Variants in CSNK1G2 observed in about 807,000 individuals in gnomAD.
CSNK1G2 encodes the protein casein kinase I isoform gamma-2.
In CSNK1G2, 11 loss-of-function variants were observed where a neutral mutation model predicts 48.0. The ratio of observed to expected loss-of-function variants is 0.23; its 90% confidence interval spans 0.14 to 0.38. The LOEUF is 0.38. Ranked by LOEUF, CSNK1G2 falls within the 10% of genes least tolerant of loss-of-function variation. CSNK1G2 has a pLI of 1.00. For synonymous variants in CSNK1G2, 337 were observed against 254.1 expected, an observed-to-expected ratio of 1.33 and a Z score of -3.10; for missense variants, 446 against 595.5, an observed-to-expected ratio of 0.75 and a Z score of 2.61.
intron 1 of CSNK1G2, among the ~76,000 whole-genome samples, chr19:1,944,452 G>C (rs1480375465): frequency 6.6e-6 from 1 of 152,178 alleles, no homozygotes; most frequent in Non-Finnish European, 1.5e-5. Context: ...GGCCTGCTTG[G>C]GTAGAGGAGA....
Position 1,980,311 on chromosome 19 carries a change from C to A in CSNK1G2, c.*108C>A, listed in dbSNP as rs1311768037. ...ACAGCGGCCCAGGGCCAGACCCTGG[C>A]TGGAAGCCAGAACGCAGACTGCAGG... On this transcript the variant is annotated 3_prime_UTR_variant, in exon 12 of 12. Coordinates refer to ENST00000255641, the MANE Select transcript of CSNK1G2 (RefSeq NM_001319.7). 1 of 1,402,908 alleles carries A rather than the reference C, an allele frequency of 7.1e-7. No individual in the cohort carries two copies. 86.9% of individuals were successfully genotyped at this position (1,402,908 alleles called of 1,614,324 possible).
chr19:1,960,814 GGGAGGC>G (rs1334587203), intron 1 of CSNK1G2, among the ~76,000 whole-genome samples: 1 of 152,150 alleles, frequency 6.6e-6, no homozygotes, highest in East Asian at 1.9e-4. Flanking sequence ...ACTTGAACCC[GGGAGGC>G]GGAGGCTGCG....
intron 2 of CSNK1G2, among the ~76,000 whole-genome samples, chr19:1,972,953 A>T (rs1451496225): frequency 7.9e-6 from 1 of 126,706 alleles, no homozygotes; most frequent in African/African-American, 3.1e-5. Context: ...TTTGAGACAG[A>T]GTCTCGCTCT....
Position 1,957,099 on chromosome 19 carries a change from G to A in CSNK1G2, c.-265-12409G>A, listed in dbSNP as rs372821569. Among the ~76,000 whole-genome samples, 209 of 152,302 alleles carry A rather than the reference G, an allele frequency of 1.4e-3. 5 individuals are homozygous for A. In the South Asian group the frequency reaches 0.016, roughly 11 times the overall value. The stretch of plus-strand genomic sequence containing the variant: ...CGGTGCCACCCGGAGATTGGTGGGC[G>A]GGATTGGGCCTCTGGGGTCCCCGGC... On this transcript the variant is annotated intron_variant, in intron 1 of 11. Coordinates refer to ENST00000255641, the MANE Select transcript of CSNK1G2 (RefSeq NM_001319.7). The surrounding 1 kb of genome is among the most constrained non-coding windows in gnomAD (Gnocchi z 5.4).
intron 2 of CSNK1G2, among the ~76,000 whole-genome samples, chr19:1,974,321 C>T (rs554009374): frequency 7.2e-5 from 11 of 152,252 alleles, no homozygotes; most frequent in East Asian, 5.8e-4. Context: ...GAAGGCAGGA[C>T]GGCACAGACC....
At chr19:1,979,699 G>A in intron 9 of CSNK1G2, 53 bp from the exon 10 acceptor site, 1 of 1,602,304 alleles carries the variant, frequency 6.2e-7, no homozygotes, top group Non-Finnish European at 8.5e-7. Flanking sequence ...TGCCCTGAGG[G>A]AGATGGGAAC....
At chr19:1,976,093 G>A in intron 2 of CSNK1G2, 1 of 1,289,700 alleles carries the variant, frequency 7.8e-7, no homozygotes, top group Non-Finnish European at 1.0e-6. Flanking sequence ...GATGGTAGCT[G>A]TGAGGATGGA....
chr19:1,959,679 G>C (rs75022993), intron 1 of CSNK1G2, among the ~76,000 whole-genome samples: 70 of 53,854 alleles, frequency 1.3e-3, no homozygotes, highest in Middle Eastern at 0.01. Flanking sequence ...TAGTGCCACC[G>C]TGGGTCCCCC....
rs150310288 is a variant in CSNK1G2 at position 1,943,267 on chromosome 19, C to G, written c.-266+1849C>G. ...TGTGCCTTCGGACTTCCTTGTGTGT[C>G]TAGGGGCTTCCTGTCTGATTTGAAC... On this transcript the variant is annotated intron_variant, in intron 1 of 11. Coordinates refer to ENST00000255641, the MANE Select transcript of CSNK1G2 (RefSeq NM_001319.7). Among the ~76,000 whole-genome samples the G allele has an allele frequency of 7.2e-5, 11 of 152,264 alleles. No homozygotes were observed. In the East Asian group the frequency reaches 1.7e-3, roughly 24 times the overall value.
At position 1,980,318 on chromosome 19, in the gene CSNK1G2, C is replaced by A; in HGVS notation, c.*115C>A. 7.5e-7 allele frequency: 1 copy of A among 1,340,574 alleles called. No homozygotes were observed. Among genetic ancestry groups the A allele is most frequent in the Non-Finnish European group, 1.1e-6 (1 of 948,202 alleles). The allele number at this position is 1,340,574 out of a possible 1,614,324, so 83.0% of individuals were successfully genotyped here. A position where few individuals can be genotyped will look rare whatever the true frequency, so the allele number is the denominator to read the frequency against. On this transcript the variant is annotated 3_prime_UTR_variant, in exon 12 of 12. Transcript: ENST00000255641. ...CCCAGGGCCAGACCCTGGCTGGAAGCCAGAACGCAGACTGCAGGGGCCGCG... is the reference window on the plus strand; with the variant it reads ...CCCAGGGCCAGACCCTGGCTGGAAGACAGAACGCAGACTGCAGGGGCCGCG...
At chr19:1,963,551 A>G (rs2145554906) in intron 1 of CSNK1G2, among the ~76,000 whole-genome samples, 1 of 149,222 alleles carries the variant, frequency 6.7e-6, no homozygotes, top group East Asian at 2.0e-4. Flanking sequence ...TGTATCACCC[A>G]GGCTGGAGTG....
At chr19:1,973,162 C>G (rs1249567424) in intron 2 of CSNK1G2, among the ~76,000 whole-genome samples, 1 of 146,836 alleles carries the variant, frequency 6.8e-6, no homozygotes, top group Non-Finnish European at 1.5e-5. Context: ...TTCCTGACCT[C>G]GTGATCTGCC....
intron 1 of CSNK1G2, among the ~76,000 whole-genome samples, chr19:1,946,289 T>TATTTATTTATTTATTTATTATTTA (rs56098852): frequency 4.9e-5 from 7 of 143,806 alleles, no homozygotes; most frequent in Non-Finnish European, 9.2e-5. Flanking sequence ...TTTATTTATT[T>TATTTATTTATTTATTTATTATTTA]TTTATTTATT....
intron 1 of CSNK1G2, among the ~76,000 whole-genome samples, chr19:1,961,843 C>T (rs1226098780): frequency 2.0e-5 from 3 of 152,182 alleles, no homozygotes; most frequent in Non-Finnish European, 4.4e-5. Flanking sequence ...TCAAGAAATC[C>T]GCTGGCCGCT....
chr19:1,976,217 G>A (rs989033671), intron 2 of CSNK1G2: 14 of 753,540 alleles, frequency 1.9e-5, no homozygotes, highest in African/African-American at 1.3e-4. Context: ...TGGGGAGAAC[G>A]TAGGAGGGGA....
rs545568614 is a variant in CSNK1G2 at position 1,977,740 on chromosome 19, G to A, written c.188-565G>A. 3.9e-3 allele frequency among the ~76,000 whole-genome samples: 501 copies of A among 129,874 alleles called. 3 individuals carry two copies. Among genetic ancestry groups the A allele is most frequent in the Admixed American group, 5.4e-3 (62 of 11,380 alleles). 85.2% of individuals were successfully genotyped at this position (129,874 alleles called of 152,430 possible). A position where few individuals can be genotyped will look rare whatever the true frequency, so the allele number is the denominator to read the frequency against. ...TACACTCCAGACTGGGCAACAGAGC[G>A]ACACCGTCTCAAAAAAAAAAAAAAA... On this transcript the variant is annotated intron_variant, in intron 2 of 11. Coordinates refer to ENST00000255641, the MANE Select transcript of CSNK1G2 (RefSeq NM_001319.7).
At chr19:1,947,344 A>T (rs1456334275) in intron 1 of CSNK1G2, among the ~76,000 whole-genome samples, 5 of 152,138 alleles carry the variant, frequency 3.3e-5, no homozygotes, top group Non-Finnish European at 1.5e-5. Flanking sequence ...CTTGTTTCCC[A>T]GGTGATGCTC....
At chr19:1,973,473 G>T (rs1407978060) in intron 2 of CSNK1G2, among the ~76,000 whole-genome samples, 2 of 152,248 alleles carry the variant, frequency 1.3e-5, no homozygotes, top group Non-Finnish European at 2.9e-5. Context: ...GCCTCTGAAA[G>T]TGCTGGGATT....
At position 1,980,631 on chromosome 19, in the gene CSNK1G2, C is replaced by T. The variant is rs1185421738; in HGVS notation, c.*428C>T. On this transcript the variant is annotated 3_prime_UTR_variant, in exon 12 of 12. Transcript: ENST00000255641. ...AGCTTGTCTCCCTCGATCCAAAGGC[C>T]GTTTTCTCGAGGGGAGGGCAGGCCC... The T allele has an allele frequency of 1.8e-5, 4 of 219,384 alleles. No individual in the cohort carries two copies. The highest frequency in any genetic ancestry group is 2.8e-5 in the Non-Finnish European group (3 of 107,166). 13.6% of individuals were successfully genotyped at this position (219,384 alleles called of 1,614,324 possible).
Sources: gnomAD v4.1 joint callset for allele counts (sites outside exome capture counted in the v4.1 genomes callset) on GRCh38, gnomAD v4.1.1 for gene constraint, Gnocchi (gnomAD v3.1) non-coding constraint, MANE v1.5 for transcripts, NCBI Gene and HGNC (gene_info 2026-07-23, HGNC 2026-07-21) for gene names.